Variants in NELL1 observed in about 807,000 individuals in gnomAD.
NELL1 encodes the protein neural EGFL like 1.
In NELL1, 76 loss-of-function variants were observed where a neutral mutation model predicts 107.4. The ratio of observed to expected loss-of-function variants is 0.71; its 90% confidence interval spans 0.59 to 0.86. The LOEUF (loss-of-function observed/expected upper bound fraction) is 0.86, where lower values mean the gene tolerates loss of function less well. Among genes scored for constraint, NELL1 ranks in the 40% least tolerant of loss-of-function variants. The pLI is 0.00. For synonymous variants in NELL1, 353 were observed against 341.2 expected, an observed-to-expected ratio of 1.03 and a Z score of -0.38; for missense variants, 1,024 against 1,005.5, an observed-to-expected ratio of 1.02 and a Z score of -0.25.
intron 3 of NELL1, among the ~76,000 whole-genome samples, chr11:20,821,233 C>T (rs768205784): frequency 9.2e-5 from 14 of 152,214 alleles, no homozygotes; most frequent in Non-Finnish European, 1.8e-4. Flanking sequence ...GACAAAGGCA[C>T]GATGCATTAC....
At chr11:21,488,051 A>G (rs1439211416) in intron 15 of NELL1, among the ~76,000 whole-genome samples, 6 of 151,870 alleles carry the variant, frequency 4.0e-5, no homozygotes, top group Non-Finnish European at 8.8e-5. Flanking sequence ...TACTAGATCT[A>G]AAGAGAGAAA....
chr11:21,404,005 A>ACC (rs71034518), intron 15 of NELL1, among the ~76,000 whole-genome samples: 11,285 of 50,632 alleles, frequency 0.22, 2,029 homozygotes, highest in Middle Eastern at 0.28. Flanking sequence ...TCATTCCTGA[A>ACC]CCCCCCCCCC....
chr11:21,573,302 A>C lies in NELL1; in HGVS notation c.2275A>C (p.Ile759Leu). Residue 759 changes from isoleucine to leucine, a missense_variant, in exon 19 of 20, where the codon ATC becomes CTC. By Grantham distance (5) the Ile-to-Leu change is conservative. Transcript: ENST00000357134. ...CVSDPCLADN[I>L]TYDIRKTCLD... ...CAGTGACCCCTGCCTAGCTGATAACATCACCTATGACATCAGAAAAACTTG... is the reference window on the plus strand; with the variant it reads ...CAGTGACCCCTGCCTAGCTGATAACCTCACCTATGACATCAGAAAAACTTG... The C allele has an allele frequency of 6.2e-7, 1 of 1,612,594 alleles. No individual in the cohort carries two copies. Among genetic ancestry groups the C allele is most frequent in the Non-Finnish European group, 8.5e-7 (1 of 1,179,080 alleles).
At chr11:20,929,413 C>T (rs1245532546) in intron 9 of NELL1, among the ~76,000 whole-genome samples, 1 of 148,920 alleles carries the variant, frequency 6.7e-6, no homozygotes, top group Non-Finnish European at 1.5e-5. Context: ...TTGAACTTTT[C>T]AAAAAGGAAC....
At chr11:21,572,884 G>A (rs945058628) in intron 18 of NELL1, among the ~76,000 whole-genome samples, 1 of 151,884 alleles carries the variant, frequency 6.6e-6, no homozygotes, top group Non-Finnish European at 1.5e-5. Context: ...AAAACTTAAT[G>A]TGGAATTGTG....
intron 12 of NELL1, among the ~76,000 whole-genome samples, chr11:21,043,657 C>T (rs757153128): frequency 3.3e-5 from 5 of 152,034 alleles, no homozygotes; most frequent in African/African-American, 9.7e-5. Flanking sequence ...GAGGCAATAG[C>T]GAAAGCAGGA....
intron 12 of NELL1, among the ~76,000 whole-genome samples, chr11:21,048,879 C>T (rs749452001): frequency 2.0e-5 from 3 of 152,112 alleles, no homozygotes; most frequent in Non-Finnish European, 2.9e-5. Flanking sequence ...CTCAGTGCTG[C>T]TGAGAGTCTC....
intron 12 of NELL1, among the ~76,000 whole-genome samples, chr11:21,092,596 A>C (rs1189925290): frequency 6.6e-6 from 1 of 152,164 alleles, no homozygotes; most frequent in African/African-American, 2.4e-5. Context: ...GCCCATCTGC[A>C]TTTTAGGTAC....
chr11:20,755,543 T>A lies in NELL1; in HGVS notation c.185-28137T>A, dbSNP rs1454680171. Among the ~76,000 whole-genome samples the A allele has an allele frequency of 2.1e-3, 82 of 39,336 alleles. 1 individual carries two copies. In the East Asian group the frequency reaches 0.022, roughly 11 times the overall value. The allele number at this position is 39,336 out of a possible 152,430, so 25.8% of individuals were successfully genotyped here. On this transcript the variant is annotated intron_variant, in intron 2 of 19. Coordinates refer to ENST00000357134, the MANE Select transcript of NELL1 (RefSeq NM_006157.5). Reference sequence around the variant, plus strand: ...AAAAAGACCTGTGTGGGTTTTTGTTTTTTTTTGTTTTTGTTTTTGTTTTTT... The same window carrying A: ...AAAAAGACCTGTGTGGGTTTTTGTTATTTTTTGTTTTTGTTTTTGTTTTTT...
intron 14 of NELL1, among the ~76,000 whole-genome samples, chr11:21,309,298 ATGT>A (rs1849693360): frequency 2.7e-5 from 2 of 75,284 alleles, no homozygotes; most frequent in African/African-American, 3.6e-5. Flanking sequence ...ATATATATAT[ATGT>A]ATATATATAT....
intron 13 of NELL1, among the ~76,000 whole-genome samples, chr11:21,220,089 C>T (rs1857716077): frequency 6.6e-6 from 1 of 152,186 alleles, no homozygotes; most frequent in African/African-American, 2.4e-5. Flanking sequence ...TCACCTCCCA[C>T]CAGGTTCTGC....
intron 12 of NELL1, among the ~76,000 whole-genome samples, chr11:21,106,543 G>T (rs999893713): frequency 2.0e-5 from 3 of 151,938 alleles, no homozygotes; most frequent in Non-Finnish European, 4.4e-5. Context: ...TATTACCATT[G>T]GCCTTGCATC....
chr11:20,708,113 G>T (rs112759189), intron 2 of NELL1, among the ~76,000 whole-genome samples: 1 of 152,228 alleles, frequency 6.6e-6, no homozygotes, highest in African/African-American at 2.4e-5. Context: ...CTAGTGGTGA[G>T]TGAGGCTGTG....
intron 13 of NELL1, among the ~76,000 whole-genome samples, chr11:21,124,599 G>A (rs1855447039): frequency 7.0e-6 from 1 of 141,988 alleles, no homozygotes; most frequent in South Asian, 2.4e-4. Flanking sequence ...GTTCCTCACA[G>A]ATGATTTTTT....
At chr11:21,514,958 G>GAT (rs1390384100) in intron 15 of NELL1, among the ~76,000 whole-genome samples, 1 of 152,220 alleles carries the variant, frequency 6.6e-6, no homozygotes. Flanking sequence ...GGCAATGGGT[G>GAT]ATAGAATCCT....
Position 20,704,800 on chromosome 11 carries a change from A to T in NELL1, c.184+26740A>T, listed in dbSNP as rs149127494. ...GCTGGATATGAAATTCTGGGTTGAA[A>T]ATTCTTTAAGAATGTCAAGATACAA... On this transcript the variant is annotated intron_variant, in intron 2 of 19. Transcript: ENST00000357134. Among the ~76,000 whole-genome samples the T allele has an allele frequency of 1.3e-3, 198 of 152,290 alleles. 5 individuals carry two copies. The East Asian group carries it at 0.032, about 25-fold the overall frequency.
intron 14 of NELL1, among the ~76,000 whole-genome samples, chr11:21,320,893 A>G (rs1849994293): frequency 6.6e-6 from 1 of 152,194 alleles, no homozygotes; most frequent in African/African-American, 2.4e-5. Context: ...CCTGTGGTTT[A>G]TTGACCAAGT....
chr11:21,096,022 G>A (rs1383155026), intron 12 of NELL1, among the ~76,000 whole-genome samples: 1 of 152,086 alleles, frequency 6.6e-6, no homozygotes, highest in Non-Finnish European at 1.5e-5. Flanking sequence ...AACAGCAAGG[G>A]AAAGTCTTGC....
intron 12 of NELL1, among the ~76,000 whole-genome samples, chr11:20,995,980 C>T (rs947868748): frequency 6.6e-6 from 1 of 152,164 alleles, no homozygotes; most frequent in Non-Finnish European, 1.5e-5. Flanking sequence ...AGAAGAGAAA[C>T]ATTTTGTGCT....
Sources: gnomAD v4.1 joint callset for allele counts (sites outside exome capture counted in the v4.1 genomes callset) on GRCh38, gnomAD v4.1.1 for gene constraint, MANE v1.5 for transcripts, NCBI Gene and HGNC (gene_info 2026-07-23, HGNC 2026-07-21) for gene names.